Variants in NOX4 observed in about 807,000 individuals in gnomAD.
NOX4 encodes NADPH oxidase 4, also known as kidney oxidase-1.
NOX4 carries 69 observed loss-of-function variants against 87.6 expected under a neutral mutation model. That is an observed-to-expected ratio of 0.79 (90% CI 0.65 to 0.96). The LOEUF (loss-of-function observed/expected upper bound fraction) is 0.96, where lower values mean the gene tolerates loss of function less well. Among genes scored for constraint, NOX4 ranks in the 40% least tolerant of loss-of-function variants. The probability of loss-of-function intolerance (pLI) is 0.00; values close to 1 mark genes in which losing one functional copy is unlikely to be tolerated. For missense variants in NOX4, 680 were observed against 681.5 expected (o/e 1.00, Z 0.02); for synonymous variants, 275 against 238.2 (o/e 1.15, Z -1.42).
At chr11:89,459,972 A>G (rs1480118831) in intron 2 of NOX4, among the ~76,000 whole-genome samples, 1 of 152,154 alleles carries the variant, frequency 6.6e-6, no homozygotes, top group East Asian at 1.9e-4. Flanking sequence ...GATATAGACC[A>G]ATGGAACAGA....
chr11:89,447,964 A>T (rs1483169528), intron 4 of NOX4, among the ~76,000 whole-genome samples: 1 of 152,144 alleles, frequency 6.6e-6, no homozygotes, highest in Non-Finnish European at 1.5e-5. Flanking sequence ...ATTTTTTACC[A>T]AGTTAAAAGT....
At chr11:89,389,607 G>C (rs1940979239) in intron 11 of NOX4, among the ~76,000 whole-genome samples, 1 of 152,094 alleles carries the variant, frequency 6.6e-6, no homozygotes, top group Non-Finnish European at 1.5e-5. Flanking sequence ...CATTACTATA[G>C]AAAACACATA....
At chr11:89,531,678 C>G in the NOX4 span, among the ~76,000 whole-genome samples, 1 of 152,232 alleles carries the variant, frequency 6.6e-6, no homozygotes, top group Non-Finnish European at 1.5e-5. Context: ...CCCGCTCACT[C>G]TCTCTACTGT....
chr11:89,414,420 T>C (rs1168638020), intron 8 of NOX4, among the ~76,000 whole-genome samples: 1 of 151,880 alleles, frequency 6.6e-6, no homozygotes, highest in Non-Finnish European at 1.5e-5. Flanking sequence ...TTCTATATGA[T>C]GAATAATATA....
At chr11:89,494,637 C>T (rs745558960), upstream of NOX4, among the ~76,000 whole-genome samples, 9 of 152,120 alleles carry the variant, frequency 5.9e-5, no homozygotes, top group Non-Finnish European at 1.2e-4. Context: ...TCTCAAATCC[C>T]AATTTCTCAA....
intron 2 of NOX4, among the ~76,000 whole-genome samples, chr11:89,470,759 T>C (rs1474380272): frequency 1.3e-5 from 2 of 152,162 alleles, no homozygotes; most frequent in Non-Finnish European, 2.9e-5. Flanking sequence ...TCCAAGTCAG[T>C]AAACAGGCCT....
At chr11:89,505,303 T>C in the NOX4 span, among the ~76,000 whole-genome samples, 2 of 151,966 alleles carry the variant, frequency 1.3e-5, no homozygotes, top group African/African-American at 2.4e-5. Context: ...TAAGTCACTG[T>C]CTATGAGGAG....
chr11:89,457,424 C>T (rs1945255858), intron 2 of NOX4, among the ~76,000 whole-genome samples: 1 of 152,208 alleles, frequency 6.6e-6, no homozygotes, highest in African/African-American at 2.4e-5. Flanking sequence ...ACCAGTGTGC[C>T]ACCCAAGCCA....
intron 9 of NOX4, among the ~76,000 whole-genome samples, chr11:89,401,457 T>C (rs1389243563): frequency 6.6e-6 from 1 of 152,158 alleles, no homozygotes; most frequent in Non-Finnish European, 1.5e-5. Flanking sequence ...ACACGACTAA[T>C]ACACTATTCC....
intron 11 of NOX4, among the ~76,000 whole-genome samples, chr11:89,395,805 C>T (rs1008602784): frequency 9.2e-5 from 14 of 152,008 alleles, no homozygotes; most frequent in African/African-American, 3.4e-4. Context: ...CCAAAGATCA[C>T]ATGGTTGTAG....
chr11:89,442,180 C>G (rs975008715), intron 5 of NOX4, among the ~76,000 whole-genome samples: 2 of 150,186 alleles, frequency 1.3e-5, no homozygotes, highest in African/African-American at 4.9e-5. Flanking sequence ...AGAAGGAATA[C>G]AAGAAGAAAT....
chr11:89,421,943 G>C lies in NOX4; in HGVS notation c.588C>G (p.Leu196=), dbSNP rs745605538. 1 of 1,569,828 alleles carries C rather than the reference G, an allele frequency of 6.4e-7. No individual in the cohort carries two copies. Among genetic ancestry groups the C allele is most frequent in the Non-Finnish European group, 8.6e-7 (1 of 1,161,178 alleles). The change falls in exon 8 of 18, where the codon CTC becomes CTG. Residue 196 remains leucine (L), a synonymous_variant. Coordinates refer to ENST00000263317, the MANE Select transcript of NOX4 (RefSeq NM_016931.5). The part of the protein sequence containing the change: ...NYDIFWYTHN[L]FFVFYMLLTL... Reference sequence around the variant, plus strand: ...TCAGCAGCATGTAGAAGACAAAGAAGAGGTTATGAGTATACCAGAAGATAT... The same window carrying C: ...TCAGCAGCATGTAGAAGACAAAGAACAGGTTATGAGTATACCAGAAGATAT...
At chr11:89,439,281 C>G (rs1591258120) in intron 6 of NOX4, among the ~76,000 whole-genome samples, 1 of 151,694 alleles carries the variant, frequency 6.6e-6, no homozygotes, top group East Asian at 1.9e-4. Flanking sequence ...GTAAAGTTTT[C>G]TTTTTCTGTA....
chr11:89,355,377 T>A (rs1234293826), intron 12 of NOX4, among the ~76,000 whole-genome samples: 1 of 148,640 alleles, frequency 6.7e-6, no homozygotes, highest in Admixed American at 6.8e-5. Context: ...TTTGAAATAG[T>A]TATATTTATC....
chr11:89,394,965 G>C (rs572073574), intron 11 of NOX4, among the ~76,000 whole-genome samples: 3 of 152,100 alleles, frequency 2.0e-5, no homozygotes, highest in African/African-American at 7.2e-5. Context: ...ATAAACATAC[G>C]TGTGCATGTG....
At chr11:89,460,119 T>G (rs1322768548) in intron 2 of NOX4, among the ~76,000 whole-genome samples, 2 of 152,206 alleles carry the variant, frequency 1.3e-5, no homozygotes, top group African/African-American at 4.8e-5. Flanking sequence ...TGTAGAAAGC[T>G]GAAACTGGAT....
upstream of NOX4, among the ~76,000 whole-genome samples, chr11:89,495,888 C>T (rs1166086507): frequency 6.6e-6 from 1 of 151,968 alleles, no homozygotes; most frequent in African/African-American, 2.4e-5. Flanking sequence ...TATTAAAATT[C>T]AATGTAAAAA....
At chr11:89,457,230 G>A (rs1450298846) in intron 2 of NOX4, among the ~76,000 whole-genome samples, 1 of 152,190 alleles carries the variant, frequency 6.6e-6, no homozygotes, top group Non-Finnish European at 1.5e-5. Flanking sequence ...TGTCACCACA[G>A]ATGATGCAAA....
At chr11:89,373,292 AAAAAAAC>A in intron 12 of NOX4, 133 bp downstream of exon 12, 2 of 490,182 alleles carry the variant, frequency 4.1e-6, no homozygotes, top group South Asian at 4.5e-5. Context: ...AAAAAAAAAA[AAAAAAAC>A]AAAAAAAAAC....
Sources: allele counts gnomAD v4.1 joint callset (sites outside exome capture counted in the v4.1 genomes callset), GRCh38; gene constraint gnomAD v4.1.1; transcripts MANE v1.5; gene names NCBI Gene and HGNC (gene_info 2026-07-23, HGNC 2026-07-21).